Variants in BBS1 observed in about 807,000 individuals in gnomAD.
BBS1 encodes Bardet-Biedl syndrome 1.
A neutral mutation model predicts 73.9 loss-of-function variants in BBS1; 60 were observed. That is an observed-to-expected ratio of 0.81 (90% confidence interval 0.66 to 1.01). The LOEUF is 1.01. Ranked by LOEUF, BBS1 falls within the 50% of genes least tolerant of loss-of-function variation. The probability of loss-of-function intolerance (pLI) is 0.00; values close to 1 mark genes in which losing one functional copy is unlikely to be tolerated. For missense variants in BBS1, 718 were observed against 770.3 expected (o/e 0.93, Z 0.80); for synonymous variants, 283 against 317.4 (o/e 0.89, Z 1.15).
chr11:66,531,519 C>T, intron 15 of BBS1, 137 bp from the exon 16 acceptor site: 1 of 1,131,510 alleles, frequency 8.8e-7, no homozygotes, highest in Non-Finnish European at 1.3e-6. Context: ...CACCTGCATC[C>T]TCCTCCACCC....
At chr11:66,511,995 C>CAA (rs796283982) in intron 3 of BBS1, among the ~76,000 whole-genome samples, 78 of 121,950 alleles carry the variant, frequency 6.4e-4, no homozygotes, top group East Asian at 4.0e-3. Flanking sequence ...GAGACAGTTT[C>CAA]AAAAAAAAAT....
Position 66,533,533 on chromosome 11 carries a change from C to T in BBS1, c.*1496C>T, listed in dbSNP as rs1484857948. 3 of 152,250 alleles carry T rather than the reference C, an allele frequency of 2.0e-5. No homozygotes were observed. The highest frequency in any genetic ancestry group is 1.3e-4 in the Admixed American group (2 of 15,282). The allele number at this position is 152,250 out of a possible 1,614,324, so 9.4% of individuals were successfully genotyped here. On this transcript the variant is annotated 3_prime_UTR_variant, in exon 17 of 17. Transcript: ENST00000318312. Reference sequence around the variant, plus strand: ...TTAAAAAATACTCAGATTACTATTTCTATTACTATGTGAAAGTTAACTGCG... The same window carrying T: ...TTAAAAAATACTCAGATTACTATTTTTATTACTATGTGAAAGTTAACTGCG...
intron 3 of BBS1, among the ~76,000 whole-genome samples, chr11:66,512,036 A>ATATATG (rs1302232114): frequency 4.6e-4 from 68 of 147,066 alleles, no homozygotes; most frequent in African/African-American, 1.6e-3. Context: ...ATATATGTAT[A>ATATATG]TATATGTATA....
At chr11:66,515,390 G>A (rs1194569539) in intron 4 of BBS1, 150 bp from the exon 5 acceptor site, 1 of 814,986 alleles carries the variant, frequency 1.2e-6, no homozygotes, top group African/African-American at 1.7e-5. Flanking sequence ...TTCAGATAAA[G>A]GACGTGAGCT....
In BBS1 at chr11:66,531,692, G is replaced by T. The variant is rs121917777; in HGVS notation, c.1645G>T (p.Glu549Ter). 33 of 1,614,116 alleles carry T rather than the reference G, an allele frequency of 2.0e-5. No individual in the cohort carries two copies. In the Admixed American group the frequency reaches 4.3e-4, roughly 21 times the overall value. The change falls in exon 16 of 17, where the codon GAG becomes TAG. Residue 549 changes from glutamate (E) to a stop codon, truncating the protein, a stop_gained. Transcript: ENST00000318312. LOFTEE classifies it high-confidence loss of function. ...LLVPGLNYPL[E>*]TFVESLSNKG... The stretch of plus-strand genomic sequence containing the variant: ...GGTGCCAGGGCTCAACTACCCCCTG[G>T]AGACCTTTGTGGAGAGTCTCAGTAA...
intron 2 of BBS1, 31 bp downstream of exon 2, chr11:66,511,120 C>T (rs1404620269): frequency 1.3e-5 from 21 of 1,613,854 alleles, no homozygotes; most frequent in Non-Finnish European, 1.7e-5. Flanking sequence ...ACCCTGGGTT[C>T]TAGTGGGATG....
At chr11:66,531,103 C>A in intron 15 of BBS1, 75 bp downstream of exon 15, 1 of 1,586,282 alleles carries the variant, frequency 6.3e-7, no homozygotes, top group East Asian at 2.3e-5. Flanking sequence ...CCACAGAGCC[C>A]CGCCAGGTCA....
At chr11:66,526,554 C>T in intron 12 of BBS1, 95 bp from the exon 13 acceptor site, 1 of 1,522,700 alleles carries the variant, frequency 6.6e-7, no homozygotes, top group Non-Finnish European at 9.1e-7. Context: ...TGTACAGAAG[C>T]AACTCTATAG....
intron 13 of BBS1, among the ~76,000 whole-genome samples, chr11:66,528,772 C>T (rs1781029821): frequency 6.6e-6 from 1 of 151,878 alleles, no homozygotes; most frequent in African/African-American, 2.4e-5. Flanking sequence ...AGTTCGAGAC[C>T]AGCCTGACCA....
chr11:66,513,660 C>T (rs1378260881), intron 3 of BBS1, among the ~76,000 whole-genome samples: 1 of 152,162 alleles, frequency 6.6e-6, no homozygotes, highest in African/African-American at 2.4e-5. Flanking sequence ...GCCTAGGTGA[C>T]AGAGCAAGAC....
intron 9 of BBS1, 150 bp downstream of exon 9, chr11:66,521,526 C>G: frequency 1.4e-6 from 1 of 709,430 alleles, no homozygotes; most frequent in Non-Finnish European, 2.5e-6. Context: ...CCCACAAACA[C>G]AGGGGAGGAT....
chr11:66,510,637 T>C lies in BBS1; in HGVS notation c.-23T>C, dbSNP rs147992076. 8.4e-5 allele frequency: 135 copies of C among 1,614,020 alleles called. No individual in the cohort carries two copies. The African/African-American group carries it at 1.5e-3, about 18-fold the overall frequency. On this transcript the variant is annotated 5_prime_UTR_variant, in exon 1 of 17. Coordinates refer to ENST00000318312, the MANE Select transcript of BBS1 (RefSeq NM_024649.5). ...GGGCGTTACGCGAGGGCGGGGCCGG[T>C]TGCCAGGACGACGCCTGCGAAGATG...
At chr11:66,528,687 G>A (rs1489251754) in intron 13 of BBS1, among the ~76,000 whole-genome samples, 4 of 151,944 alleles carry the variant, frequency 2.6e-5, no homozygotes, top group East Asian at 1.9e-4. Context: ...AGACCTTTTC[G>A]GCCAGGTGCG....
At position 66,515,851 on chromosome 11, in the gene BBS1, G is replaced by T; in HGVS notation, c.519-10G>T. The T allele has an allele frequency of 6.2e-7, 1 of 1,614,226 alleles. No homozygotes were observed. The highest frequency in any genetic ancestry group is 8.5e-7 in the Non-Finnish European group (1 of 1,180,040). On this transcript the variant is annotated splice_polypyrimidine_tract_variant and intron_variant, in intron 6 of 16. Transcript: ENST00000318312. ...CGGGGCCTGCAGATGCCAGTTCTCTGTGTGTCTAGGTTTCTGCAGCTGGAG... is the reference window on the plus strand; with the variant it reads ...CGGGGCCTGCAGATGCCAGTTCTCTTTGTGTCTAGGTTTCTGCAGCTGGAG...
At chr11:66,513,522 G>A (rs1590755842) in intron 3 of BBS1, among the ~76,000 whole-genome samples, 1 of 152,156 alleles carries the variant, frequency 6.6e-6, no homozygotes, top group South Asian at 2.1e-4. Context: ...TACTTCATAA[G>A]GTTGTTGAAA....
rs561846984 is a variant in BBS1, at chr11:66,515,098, A to G, written c.432+420A>G. 3.9e-5 allele frequency among the ~76,000 whole-genome samples: 6 copies of G among 152,204 alleles called. No homozygotes were observed. The South Asian group carries it at 6.2e-4, about 16-fold the overall frequency. Reference sequence around the variant, plus strand: ...CTCCCAAAGTGTTGGGATTACAGGCATGAACCACCGTGCCCAGCCTAGTGA... The same window carrying G: ...CTCCCAAAGTGTTGGGATTACAGGCGTGAACCACCGTGCCCAGCCTAGTGA... On this transcript the variant is annotated intron_variant, in intron 4 of 16. Transcript: ENST00000318312.
rs781723467 is a variant in BBS1, at chr11:66,515,489, G to C, written c.433-51G>C. On this transcript the variant is annotated intron_variant, in intron 4 of 16. Coordinates refer to ENST00000318312, the MANE Select transcript of BBS1 (RefSeq NM_024649.5). ...GGAGCTGTCTGGGGGTGTAGACATTGGGTTTCCTGCCTGGCTTGAGCTCAC... is the reference window on the plus strand; with the variant it reads ...GGAGCTGTCTGGGGGTGTAGACATTCGGTTTCCTGCCTGGCTTGAGCTCAC... 8 of 1,601,264 alleles carry C rather than the reference G, an allele frequency of 5.0e-6. No homozygotes were observed. The Admixed American group carries it at 1.0e-4, about 20-fold the overall frequency.
At position 66,523,862 on chromosome 11, in the gene BBS1, C is replaced by A; in HGVS notation, c.1090C>A (p.Leu364Ile). 6.2e-7 allele frequency: 1 copy of A among 1,613,476 alleles called. No homozygotes were observed. The highest frequency in any genetic ancestry group is 8.5e-7 in the Non-Finnish European group (1 of 1,180,038). The change falls in exon 11 of 17, where the codon CTC becomes ATC. Residue 364 changes from leucine to isoleucine, a missense_variant. By Grantham distance (5) the Leu-to-Ile change is conservative. Coordinates refer to ENST00000318312, the MANE Select transcript of BBS1 (RefSeq NM_024649.5). ...EVRIYRDKAL[L>I]NVIHTPDAVT... ...CCGCATTTATCGTGACAAGGCCCTG[C>A]TCAATGTCATCCACACCCCGGTGAG...
chr11:66,530,844 G>A, intron 14 of BBS1, 50 bp from the exon 15 acceptor site: 1 of 1,613,758 alleles, frequency 6.2e-7, no homozygotes, highest in African/African-American at 1.3e-5. Context: ...TGTACTCCGT[G>A]CCCAAGGCTG....
Sources: gnomAD v4.1 joint callset for allele counts (sites outside exome capture counted in the v4.1 genomes callset) on GRCh38, gnomAD v4.1.1 for gene constraint, MANE v1.5 for transcripts, NCBI Gene and HGNC (gene_info 2026-07-23, HGNC 2026-07-21) for gene names.